The following NKAIN3 variants were observed in gnomAD, a reference collection of about 807,000 sequenced individuals.
NKAIN3 encodes the protein sodium/potassium transporting ATPase interacting 3.
NKAIN3 carries 25 observed loss-of-function variants against 30.2 expected under a neutral mutation model. That is an observed-to-expected ratio of 0.83 (90% CI 0.60 to 1.16). The LOEUF (loss-of-function observed/expected upper bound fraction) is 1.16. Ranked by LOEUF, NKAIN3 falls within the 50% of genes most tolerant of loss-of-function variation. The pLI, the probability that NKAIN3 is intolerant of heterozygous loss-of-function variation, is 0.00. For synonymous variants in NKAIN3, 91 were observed against 89.6 expected, an observed-to-expected ratio of 1.02 and a Z score of -0.09; for missense variants, 225 against 254.1, an observed-to-expected ratio of 0.89 and a Z score of 0.78.
At chr8:62,425,215 T>C (rs1804771673) in intron 1 of NKAIN3, among the ~76,000 whole-genome samples, 1 of 151,844 alleles carries the variant, frequency 6.6e-6, no homozygotes, top group Non-Finnish European at 1.5e-5. Flanking sequence ...TTCAACATTG[T>C]GTCTATAGTT....
At chr8:62,265,643 T>A (rs925919647) in intron 1 of NKAIN3, among the ~76,000 whole-genome samples, 3 of 152,216 alleles carry the variant, frequency 2.0e-5, no homozygotes, top group African/African-American at 7.2e-5. Flanking sequence ...CCTTCTTTAT[T>A]CACACTTAAA....
intron 3 of NKAIN3, among the ~76,000 whole-genome samples, chr8:62,624,575 TTTTG>T (rs993068656): frequency 1.3e-5 from 2 of 151,688 alleles, no homozygotes; most frequent in Non-Finnish European, 2.9e-5. Context: ...CAGTTGTAGG[TTTTG>T]TTTGTTTGTT....
Position 62,972,757 on chromosome 8 carries a change from T to C in NKAIN3, c.*7350T>C, listed in dbSNP as rs1460174219. ...TTGTTACATAGGTATACATGTGCCA[T>C]GGTGGTTTGCTGCACCCATCAATTC... is the stretch of plus-strand genomic sequence containing the variant. On this transcript the variant is annotated 3_prime_UTR_variant, in exon 7 of 7. Coordinates refer to ENST00000623646, the MANE Select transcript of NKAIN3 (RefSeq NM_001304533.3). 6.6e-6 allele frequency among the ~76,000 whole-genome samples: 1 copy of C among 152,180 alleles called. No homozygotes were observed. The highest frequency in any genetic ancestry group is 1.5e-5 in the Non-Finnish European group (1 of 68,026).
chr8:62,491,300 T>G (rs1315310540), intron 1 of NKAIN3, among the ~76,000 whole-genome samples: 1 of 152,166 alleles, frequency 6.6e-6, no homozygotes, highest in Non-Finnish European at 1.5e-5. Flanking sequence ...TACAAATAGA[T>G]CCTATAGGCC....
At chr8:62,331,136 T>C (rs1351034410) in intron 1 of NKAIN3, among the ~76,000 whole-genome samples, 12 of 148,474 alleles carry the variant, frequency 8.1e-5, no homozygotes, top group African/African-American at 3.0e-4. Flanking sequence ...CCTTCCTCCC[T>C]CCTCTTCCAC....
intron 1 of NKAIN3, among the ~76,000 whole-genome samples, chr8:62,282,956 G>A (rs532668747): frequency 3.9e-5 from 6 of 152,146 alleles, no homozygotes; most frequent in Non-Finnish European, 8.8e-5. Context: ...CATTTCTGTA[G>A]CATCTTGTCA....
At chr8:62,281,430 T>C (rs981237766) in intron 1 of NKAIN3, among the ~76,000 whole-genome samples, 1 of 152,178 alleles carries the variant, frequency 6.6e-6, no homozygotes, top group Non-Finnish European at 1.5e-5. Context: ...TTTGAATGTG[T>C]TTGCTCTTGC....
intron 1 of NKAIN3, among the ~76,000 whole-genome samples, chr8:62,486,330 A>C (rs946050360): frequency 1.3e-5 from 2 of 152,172 alleles, no homozygotes; most frequent in East Asian, 1.9e-4. Context: ...TGTTTAGCTC[A>C]AAGAAGAACG....
chr8:62,281,533 A>C (rs1405245084), intron 1 of NKAIN3, among the ~76,000 whole-genome samples: 1 of 152,268 alleles, frequency 6.6e-6, no homozygotes, highest in East Asian at 1.9e-4. Flanking sequence ...ATTTCCCTCT[A>C]CACACTGCTT....
intron 1 of NKAIN3, among the ~76,000 whole-genome samples, chr8:62,416,207 C>T (rs552557817): frequency 1.3e-5 from 2 of 152,266 alleles, no homozygotes; most frequent in East Asian, 3.9e-4. Context: ...AGCCGTCTAC[C>T]ATCTACAATT....
chr8:62,781,865 C>A (rs74726097), intron 4 of NKAIN3, among the ~76,000 whole-genome samples: 12,369 of 151,916 alleles, frequency 0.081, 520 homozygotes, highest in Middle Eastern at 0.092. Context: ...AGAAAAAACT[C>A]TTTGAAACAT....
intron 3 of NKAIN3, among the ~76,000 whole-genome samples, chr8:62,711,908 G>T (rs939440191): frequency 6.6e-6 from 1 of 152,202 alleles, no homozygotes; most frequent in Admixed American, 6.5e-5. Context: ...CTGTTGTTCA[G>T]ATTATTTTGT....
At chr8:62,435,241 C>T (rs529740022) in intron 1 of NKAIN3, among the ~76,000 whole-genome samples, 10 of 152,154 alleles carry the variant, frequency 6.6e-5, no homozygotes, top group South Asian at 2.1e-4. Context: ...CAGGGCTAGA[C>T]GTTCTGATGG....
intron 1 of NKAIN3, among the ~76,000 whole-genome samples, chr8:62,506,481 T>C (rs1400563274): frequency 1.4e-5 from 2 of 141,862 alleles, no homozygotes; most frequent in African/African-American, 5.2e-5. Context: ...TCTTTCTTTT[T>C]TTTTTTTTTT....
chr8:62,670,879 GCACACACACACA>G lies in NKAIN3; in HGVS notation c.274-76023_274-76012del, dbSNP rs57917158. Reference sequence around the variant, plus strand: ...TTCCTATTTTTATGTACACATACAAGCACACACACACACACACACACACACACACACACACAC... The same window carrying G: ...TTCCTATTTTTATGTACACATACAAGCACACACACACACACACACACACAC... On this transcript the variant is annotated intron_variant, in intron 3 of 6. Transcript: ENST00000623646. 9.1e-3 allele frequency among the ~76,000 whole-genome samples: 1,290 copies of G among 142,048 alleles called. 15 individuals carry two copies. Among genetic ancestry groups the G allele is most frequent in the African/African-American group, 0.03 (1,164 of 38,794 alleles). The allele number at this position is 142,048 out of a possible 152,430, so 93.2% of individuals were successfully genotyped here.
At chr8:62,956,334 G>C (rs2130899679) in intron 6 of NKAIN3, among the ~76,000 whole-genome samples, 1 of 152,282 alleles carries the variant, frequency 6.6e-6, no homozygotes, top group East Asian at 1.9e-4. Context: ...GCCAGGTTTT[G>C]TGAGGAAGCC....
chr8:62,293,923 A>G (rs959716854), intron 1 of NKAIN3, among the ~76,000 whole-genome samples: 11 of 152,056 alleles, frequency 7.2e-5, no homozygotes, highest in Non-Finnish European at 1.6e-4. Context: ...TACTTACTCA[A>G]GCCTCAGCAA....
chr8:62,963,713 T>C (rs577261469), intron 6 of NKAIN3, among the ~76,000 whole-genome samples: 4 of 152,198 alleles, frequency 2.6e-5, no homozygotes, highest in South Asian at 4.2e-4. Flanking sequence ...AGGGTAGACA[T>C]TGAGATTCAG....
At chr8:62,438,069 G>A (rs1398974141) in intron 1 of NKAIN3, among the ~76,000 whole-genome samples, 2 of 151,988 alleles carry the variant, frequency 1.3e-5, no homozygotes, top group Admixed American at 1.3e-4. Context: ...ATTTTAAACT[G>A]TACTGTGGGT....
Sources: allele counts gnomAD v4.1 joint callset (sites outside exome capture counted in the v4.1 genomes callset), GRCh38; gene constraint gnomAD v4.1.1; transcripts MANE v1.5; gene names NCBI Gene and HGNC (gene_info 2026-07-23, HGNC 2026-07-21).